JAZF1: variants seen among roughly 807,000 people sequenced by gnomAD.
JAZF1 encodes juxtaposed with another zinc finger protein 1.
In JAZF1, 8 loss-of-function variants were observed where a neutral mutation model predicts 26.4. That is an observed-to-expected ratio of 0.30 (90% CI 0.18 to 0.55). The LOEUF (loss-of-function observed/expected upper bound fraction) is 0.55, where lower values mean the gene tolerates loss of function less well. Among genes scored for constraint, JAZF1 ranks in the 20% least tolerant of loss-of-function variants. The pLI, the probability that JAZF1 is intolerant of heterozygous loss-of-function variation, is 0.94. For missense variants in JAZF1, 199 were observed against 322.0 expected (o/e 0.62, Z 2.92); for synonymous variants, 126 against 122.3 (o/e 1.03, Z -0.20).
chr7:28,056,018 C>T (rs1413554596), intron 1 of JAZF1, among the ~76,000 whole-genome samples: 1 of 152,136 alleles, frequency 6.6e-6, no homozygotes, highest in Admixed American at 6.6e-5. Flanking sequence ...ACATAGTAGC[C>T]TGTTCTCTCT....
chr7:27,933,818 T>C (rs972474301), intron 2 of JAZF1, among the ~76,000 whole-genome samples: 1 of 151,968 alleles, frequency 6.6e-6, no homozygotes, highest in African/African-American at 2.4e-5. Context: ...GGGAAGGCGG[T>C]TGGAGTGGAA....
chr7:28,052,898 A>C (rs1222533257), intron 1 of JAZF1, among the ~76,000 whole-genome samples: 1 of 152,016 alleles, frequency 6.6e-6, no homozygotes, highest in Admixed American at 6.6e-5. Context: ...ATAGTTCAGC[A>C]GTGTTATGTA....
intron 1 of JAZF1, among the ~76,000 whole-genome samples, chr7:28,097,580 C>T (rs1418956554): frequency 6.6e-6 from 1 of 152,174 alleles, no homozygotes; most frequent in Non-Finnish European, 1.5e-5. Context: ...AATGGACCTA[C>T]ATTGTGTTCT....
At chr7:27,984,549 C>T (rs929853104) in intron 2 of JAZF1, among the ~76,000 whole-genome samples, 2 of 152,166 alleles carry the variant, frequency 1.3e-5, no homozygotes, top group Non-Finnish European at 2.9e-5. Context: ...ATCAACTATA[C>T]AGAAAGTTAA....
intron 1 of JAZF1, among the ~76,000 whole-genome samples, chr7:28,073,731 T>C (rs1784011227): frequency 6.6e-6 from 1 of 152,132 alleles, no homozygotes; most frequent in African/African-American, 2.4e-5. Context: ...AAAACCACTC[T>C]GTTGTGGCCA....
intron 1 of JAZF1, among the ~76,000 whole-genome samples, chr7:28,082,250 C>T (rs1286322061): frequency 3.3e-5 from 5 of 152,064 alleles, no homozygotes; most frequent in Non-Finnish European, 7.4e-5. Context: ...TGCATGGGGG[C>T]GTGGGGAGGC....
chr7:28,050,858 G>C (rs1474438214), intron 1 of JAZF1, among the ~76,000 whole-genome samples: 2 of 152,162 alleles, frequency 1.3e-5, no homozygotes, highest in Admixed American at 6.5e-5. Flanking sequence ...CAATGGCCGG[G>C]TGTGGTGGCT....
At chr7:28,029,950 G>A (rs181147076) in intron 1 of JAZF1, among the ~76,000 whole-genome samples, 7 of 152,288 alleles carry the variant, frequency 4.6e-5, no homozygotes, top group Admixed American at 2.0e-4. Context: ...AGGTATACCT[G>A]GGTTAAAGCA....
chr7:28,019,126 G>A (rs1782952781), intron 1 of JAZF1, among the ~76,000 whole-genome samples: 1 of 152,162 alleles, frequency 6.6e-6, no homozygotes, highest in Non-Finnish European at 1.5e-5. Context: ...CACTGACACA[G>A]TACTTCTAAA....
At chr7:28,103,994 C>A (rs1039542881) in intron 1 of JAZF1, among the ~76,000 whole-genome samples, 1 of 152,220 alleles carries the variant, frequency 6.6e-6, no homozygotes, top group Admixed American at 6.5e-5. Flanking sequence ...GACCTTATCT[C>A]CCCCTGCCCT....
chr7:27,976,843 T>C (rs1490154252), intron 2 of JAZF1, among the ~76,000 whole-genome samples: 1 of 151,946 alleles, frequency 6.6e-6, no homozygotes, highest in Non-Finnish European at 1.5e-5. Flanking sequence ...CTGGCAAAAA[T>C]GAGTCCAACT....
At chr7:27,973,148 A>G (rs1333547166) in intron 2 of JAZF1, among the ~76,000 whole-genome samples, 2 of 152,166 alleles carry the variant, frequency 1.3e-5, no homozygotes, top group Non-Finnish European at 2.9e-5. Flanking sequence ...GAGAGAAGCT[A>G]TTAATCTTAA....
intron 1 of JAZF1, among the ~76,000 whole-genome samples, chr7:28,127,553 GA>G (rs112085994): frequency 2.0e-5 from 3 of 149,880 alleles, no homozygotes; most frequent in Non-Finnish European, 3.0e-5. Context: ...AGGTCTAAAA[GA>G]AAAAAAAAGT....
intron 1 of JAZF1, among the ~76,000 whole-genome samples, chr7:28,099,898 A>G (rs1449679229): frequency 6.6e-6 from 1 of 152,244 alleles, no homozygotes; most frequent in Non-Finnish European, 1.5e-5. Context: ...GCTTGGAGCT[A>G]TACTTGGCCT....
At chr7:27,922,916 GAAGTGAT>G (rs1236479866) in intron 2 of JAZF1, among the ~76,000 whole-genome samples, 1 of 152,188 alleles carries the variant, frequency 6.6e-6, no homozygotes, top group Non-Finnish European at 1.5e-5. Context: ...GAAGAAATGG[GAAGTGAT>G]ATGATGATGA....
intron 1 of JAZF1, among the ~76,000 whole-genome samples, chr7:28,030,763 GTCTC>G (rs1368002136): frequency 6.6e-5 from 10 of 151,902 alleles, no homozygotes; most frequent in East Asian, 1.9e-4. Flanking sequence ...AAACTTTAAT[GTCTC>G]TCTCTCTTTT....
chr7:27,909,002 T>TATTCATTC (rs71555720), intron 2 of JAZF1, among the ~76,000 whole-genome samples: 27,680 of 151,034 alleles, frequency 0.18, 3,129 homozygotes, highest in East Asian at 0.43. Context: ...ACTTGAATAA[T>TATTCATTC]ATTCATTCAT....
intron 2 of JAZF1, among the ~76,000 whole-genome samples, chr7:27,946,200 C>T (rs1784922283): frequency 6.6e-6 from 1 of 152,138 alleles, no homozygotes. Context: ...TTTATCAGGA[C>T]ATAACTTCAT....
intron 2 of JAZF1, among the ~76,000 whole-genome samples, chr7:27,987,486 C>G (rs1332601709): frequency 6.6e-6 from 1 of 151,982 alleles, no homozygotes; most frequent in Admixed American, 6.5e-5. Flanking sequence ...AGGTTGGGGG[C>G]AGCCCCCACC....
Sources: allele counts gnomAD v4.1 joint callset (sites outside exome capture counted in the v4.1 genomes callset), GRCh38; gene constraint gnomAD v4.1.1; transcripts MANE v1.5; gene names NCBI Gene and HGNC (gene_info 2026-07-23, HGNC 2026-07-21).